PCDHA2: variants seen among roughly 807,000 people sequenced by gnomAD.
The protein encoded by PCDHA2 is protocadherin alpha 2, also known as protocadherin alpha-2.
In PCDHA2, 58 loss-of-function variants were observed where a neutral mutation model predicts 66.0. The observed-to-expected ratio is 0.88, with a 90% CI of 0.71 to 1.09. The LOEUF is 1.09. Among genes scored for constraint, PCDHA2 ranks in the 50% least tolerant of loss-of-function variants. The pLI, the probability that PCDHA2 is intolerant of heterozygous loss-of-function variation, is 0.00. For synonymous variants in PCDHA2, 634 were observed against 554.0 expected (o/e 1.14, Z -2.03); for missense variants, 1,267 against 1,242.3 (o/e 1.02, Z -0.30).
At chr5:140,982,592 C>G (rs376230429) in intron 3 of PCDHA2, 29 bp downstream of exon 3, 3 of 1,610,372 alleles carry the variant, frequency 1.9e-6, no homozygotes, top group Non-Finnish European at 2.5e-6. Flanking sequence ...TCCATTCTTT[C>G]TTGGTTTCTG....
chr5:140,862,161 C>G (rs1463036699), intron 1 of PCDHA2: 1 of 163,458 alleles, frequency 6.1e-6, no homozygotes, highest in African/African-American at 2.4e-5. Context: ...ATGAAAGATT[C>G]AAATACAGGC....
At chr5:140,997,472 C>CACA (rs1386540010) in intron 3 of PCDHA2, among the ~76,000 whole-genome samples, 12 of 152,120 alleles carry the variant, frequency 7.9e-5, no homozygotes, top group Non-Finnish European at 1.8e-4. Context: ...GCAATTTTTA[C>CACA]ACAATGATAA....
intron 1 of PCDHA2, chr5:140,927,658 C>G (rs782350503): frequency 6.2e-7 from 1 of 1,614,094 alleles, no homozygotes; most frequent in East Asian, 2.2e-5. Context: ...ATTCCGAGTT[C>G]AAGCCTTGGA....
At chr5:140,805,390 C>A in intron 1 of PCDHA2, 2 of 1,090,790 alleles carry the variant, frequency 1.8e-6, no homozygotes, top group Non-Finnish European at 2.2e-6. Context: ...ACTCTGGTTT[C>A]TGTTTGATTC....
At chr5:140,928,594 GAA>G in intron 1 of PCDHA2, 2 of 1,614,204 alleles carry the variant, frequency 1.2e-6, no homozygotes, top group Non-Finnish European at 1.7e-6. Flanking sequence ...TGTCCCAGTG[GAA>G]ATTGTGCCCC....
At chr5:140,834,383 A>T in intron 1 of PCDHA2, 1 of 1,567,408 alleles carries the variant, frequency 6.4e-7, no homozygotes, top group Non-Finnish European at 8.6e-7. Flanking sequence ...AATAATTTGA[A>T]ATGGTGTGCC....
intron 1 of PCDHA2, chr5:140,823,087 G>T: frequency 1.2e-6 from 2 of 1,613,984 alleles, no homozygotes; most frequent in East Asian, 4.5e-5. Context: ...GTGGGCCACC[G>T]CCAGCGTGTC....
At chr5:140,869,511 A>C in intron 1 of PCDHA2, 1 of 1,614,194 alleles carries the variant, frequency 6.2e-7, no homozygotes, top group Non-Finnish European at 8.5e-7. Context: ...TCTCGCTCAG[A>C]GAACAAAAGC....
At chr5:140,871,940 T>C (rs1554165964) in intron 1 of PCDHA2, among the ~76,000 whole-genome samples, 1 of 152,226 alleles carries the variant, frequency 6.6e-6, no homozygotes, top group Non-Finnish European at 1.5e-5. Flanking sequence ...TCAACTGGCT[T>C]TGTTTTTCTA....
intron 1 of PCDHA2, chr5:140,871,465 C>T (rs782500075): frequency 5.0e-6 from 8 of 1,602,850 alleles, no homozygotes; most frequent in Non-Finnish European, 6.0e-6. Flanking sequence ...AGGGGAAAGA[C>T]AGGAGCCAGG....
intron 2 of PCDHA2, among the ~76,000 whole-genome samples, chr5:140,979,327 C>T (rs1446940311): frequency 5.9e-5 from 9 of 152,078 alleles, no homozygotes; most frequent in African/African-American, 2.2e-4. Context: ...CTTTCTTTTC[C>T]TCCTTTAAAA....
rs367948106 is a variant in PCDHA2 at position 140,876,049 on chromosome 5, G to A, written c.2388+78697G>A. On this transcript the variant is annotated intron_variant, in intron 1 of 3. Coordinates refer to ENST00000526136, the MANE Select transcript of PCDHA2 (RefSeq NM_018905.3). Reference sequence around the variant, plus strand: ...AAAAAAAGATAAAAGTATATTGCCTGAATTAGTTCTTCGGAAGTTATTGGA... The same window carrying A: ...AAAAAAAGATAAAAGTATATTGCCTAAATTAGTTCTTCGGAAGTTATTGGA... The A allele has an allele frequency of 3.6e-4, 586 of 1,613,784 alleles. No individual in the cohort carries two copies. The highest frequency in any genetic ancestry group is 4.9e-4 in the Non-Finnish European group (575 of 1,179,896).
chr5:140,972,552 T>G (rs1247039171), intron 1 of PCDHA2, among the ~76,000 whole-genome samples: 1 of 152,160 alleles, frequency 6.6e-6, no homozygotes, highest in Admixed American at 6.5e-5. Flanking sequence ...CAGTGAGGAT[T>G]CTGAAGTAAC....
At chr5:140,896,551 A>G (rs1474890462) in intron 1 of PCDHA2, among the ~76,000 whole-genome samples, 1 of 139,892 alleles carries the variant, frequency 7.1e-6, no homozygotes, top group African/African-American at 2.6e-5. Context: ...TTTTTTTTGT[A>G]TTTTAAGTAG....
intron 3 of PCDHA2, among the ~76,000 whole-genome samples, chr5:140,993,099 C>T (rs1253807421): frequency 6.6e-6 from 1 of 152,206 alleles, no homozygotes; most frequent in Non-Finnish European, 1.5e-5. Context: ...TATGTTTATT[C>T]AGCGGTCAGT....
intron 1 of PCDHA2, chr5:140,853,237 A>T: frequency 1.0e-6 from 1 of 980,784 alleles, no homozygotes; most frequent in Non-Finnish European, 1.2e-6. Context: ...TTAGTCCTTC[A>T]TATTAATCTC....
chr5:140,819,524 G>T (rs1446749236), intron 1 of PCDHA2, among the ~76,000 whole-genome samples: 2 of 152,068 alleles, frequency 1.3e-5, no homozygotes, highest in Non-Finnish European at 2.9e-5. Flanking sequence ...AACTGGATCA[G>T]TCAAGAAAAT....
At chr5:140,886,084 G>A (rs1554182347) in intron 1 of PCDHA2, among the ~76,000 whole-genome samples, 1 of 152,140 alleles carries the variant, frequency 6.6e-6, no homozygotes, top group Non-Finnish European at 1.5e-5. Context: ...CCACAACCTG[G>A]ATATTGACAT....
Position 140,829,995 on chromosome 5 carries a change from G to T in PCDHA2, c.2388+32643G>T, listed in dbSNP as rs1297305883. On this transcript the variant is annotated intron_variant, in intron 1 of 3. Transcript: ENST00000526136. ...TACACGGGCGAGATCAGCACCACTCGTGTCCTGGACGAAGCGGACTCTCCG... is the reference window on the plus strand; with the variant it reads ...TACACGGGCGAGATCAGCACCACTCTTGTCCTGGACGAAGCGGACTCTCCG... 3 of 1,613,866 alleles carry T rather than the reference G, an allele frequency of 1.9e-6. No homozygotes were observed. In the African/African-American group the frequency reaches 4.0e-5, roughly 22 times the overall value.
Sources: allele counts gnomAD v4.1 joint callset (sites outside exome capture counted in the v4.1 genomes callset), GRCh38; gene constraint gnomAD v4.1.1; transcripts MANE v1.5; gene names NCBI Gene and HGNC (gene_info 2026-07-23, HGNC 2026-07-21).